The following GPHN variants were observed in gnomAD, a reference collection of about 807,000 sequenced individuals.
GPHN encodes the protein gephyrin.
In GPHN, 17 loss-of-function variants were observed where a neutral mutation model predicts 95.5. The ratio of observed to expected loss-of-function variants is 0.18; its 90% CI spans 0.12 to 0.27. The LOEUF (loss-of-function observed/expected upper bound fraction) is 0.27, where lower values mean the gene tolerates loss of function less well. Ranked by LOEUF, GPHN falls within the 10% of genes least tolerant of loss-of-function variation. The pLI, the probability that GPHN is intolerant of heterozygous loss-of-function variation, is 1.00. For missense variants in GPHN, 660 were observed against 978.1 expected (o/e 0.67, Z 4.34); for synonymous variants, 320 against 322.5 (o/e 0.99, Z 0.08).
At chr14:67,117,826 G>A (rs2078779504) in intron 16 of GPHN, among the ~76,000 whole-genome samples, 1 of 152,016 alleles carries the variant, frequency 6.6e-6, no homozygotes, top group South Asian at 2.1e-4. Context: ...TCAAAACAAG[G>A]GCTGGAGTTA....
chr14:67,380,448 G>C, the GPHN span, among the ~76,000 whole-genome samples: 1 of 152,118 alleles, frequency 6.6e-6, no homozygotes, highest in Non-Finnish European at 1.5e-5. Flanking sequence ...GTTTTAGTCA[G>C]ATCACTAAAA....
At chr14:67,358,686 T>C in the GPHN span, among the ~76,000 whole-genome samples, 1 of 152,058 alleles carries the variant, frequency 6.6e-6, no homozygotes, top group Non-Finnish European at 1.5e-5. Flanking sequence ...GGAGACCCTG[T>C]CTCTTATTAA....
At chr14:66,641,179 A>G (rs1435070071) in intron 1 of GPHN, among the ~76,000 whole-genome samples, 1 of 152,158 alleles carries the variant, frequency 6.6e-6, no homozygotes, top group Non-Finnish European at 1.5e-5. Context: ...CAATTGTTTG[A>G]CGTAACGGTG....
At chr14:67,263,580 A>G in the GPHN span, among the ~76,000 whole-genome samples, 1 of 152,194 alleles carries the variant, frequency 6.6e-6, no homozygotes, top group East Asian at 1.9e-4. Context: ...ACTAAAGAAA[A>G]ATAATGGCAA....
At chr14:67,624,943 G>C in the GPHN span, among the ~76,000 whole-genome samples, 1 of 152,146 alleles carries the variant, frequency 6.6e-6, no homozygotes, top group Non-Finnish European at 1.5e-5. Flanking sequence ...CCGATAGCCT[G>C]CAATCACAGT....
intron 5 of GPHN, among the ~76,000 whole-genome samples, chr14:66,905,832 G>A (rs1596332032): frequency 6.6e-6 from 1 of 152,066 alleles, no homozygotes; most frequent in Admixed American, 6.6e-5. Context: ...TCAGTATGTG[G>A]TTTTCTGTTC....
At chr14:67,302,349 T>C in the GPHN span, 1 of 1,250,706 alleles carries the variant, frequency 8.0e-7, no homozygotes, top group Non-Finnish European at 1.0e-6. Flanking sequence ...AATTTAAAAA[T>C]AAATGCTTAA....
intron 2 of GPHN, among the ~76,000 whole-genome samples, chr14:66,691,681 A>T (rs1027160142): frequency 6.6e-6 from 1 of 152,174 alleles, no homozygotes; most frequent in African/African-American, 2.4e-5. Context: ...ACTAAGCTGA[A>T]AATGTTTATT....
intron 2 of GPHN, among the ~76,000 whole-genome samples, chr14:66,694,975 T>C (rs781740335): frequency 1.3e-5 from 2 of 151,906 alleles, no homozygotes; most frequent in Non-Finnish European, 2.9e-5. Context: ...CCTGGCCAAC[T>C]TGGTGAAACC....
intron 10 of GPHN, among the ~76,000 whole-genome samples, chr14:67,049,734 A>C (rs1198389926): frequency 6.6e-6 from 1 of 152,040 alleles, no homozygotes; most frequent in Non-Finnish European, 1.5e-5. Context: ...GATGGTCTTG[A>C]TCATTTGACC....
the GPHN span, among the ~76,000 whole-genome samples, chr14:67,436,454 C>T: frequency 6.6e-6 from 1 of 152,206 alleles, no homozygotes; most frequent in East Asian, 1.9e-4. Context: ...CCCTTCCTGG[C>T]TCTCTCACAG....
intron 16 of GPHN, among the ~76,000 whole-genome samples, chr14:67,116,975 T>G (rs2078733215): frequency 6.6e-6 from 1 of 152,234 alleles, no homozygotes; most frequent in South Asian, 2.1e-4. Context: ...TTCTCCCTCT[T>G]TTTGTGTTAG....
At chr14:67,440,866 C>G in the GPHN span, among the ~76,000 whole-genome samples, 1 of 152,104 alleles carries the variant, frequency 6.6e-6, no homozygotes, top group Non-Finnish European at 1.5e-5. Context: ...CTTCCTCCAT[C>G]TGGCAAATGG....
intron 1 of GPHN, among the ~76,000 whole-genome samples, chr14:66,651,101 A>G (rs1173740470): frequency 6.6e-6 from 1 of 152,206 alleles, no homozygotes; most frequent in Non-Finnish European, 1.5e-5. Flanking sequence ...CTAAAGGTAG[A>G]TCACTGGCCA....
chr14:66,949,432 A>G (rs1055616016), intron 8 of GPHN, among the ~76,000 whole-genome samples: 5 of 152,196 alleles, frequency 3.3e-5, no homozygotes, highest in Admixed American at 2.0e-4. Context: ...CAGGTGCTGT[A>G]TCACACACCT....
chr14:66,778,695 TATTTA>T (rs1374380496), intron 3 of GPHN, among the ~76,000 whole-genome samples: 1 of 150,770 alleles, frequency 6.6e-6, no homozygotes, highest in Non-Finnish European at 1.5e-5. Context: ...TCAAAATAAT[TATTTA>T]ATTCTATGAC....
intron 11 of GPHN, among the ~76,000 whole-genome samples, chr14:67,068,578 A>T (rs141620338): frequency 6.6e-6 from 1 of 152,168 alleles, no homozygotes; most frequent in African/African-American, 2.4e-5. Context: ...TCTATATACA[A>T]TGGAAAAACT....
intron 1 of GPHN, among the ~76,000 whole-genome samples, chr14:66,543,008 C>T (rs1179719219): frequency 3.9e-5 from 6 of 152,156 alleles, no homozygotes; most frequent in Non-Finnish European, 8.8e-5. Flanking sequence ...AAAAAAGGCA[C>T]ATTTTACATG....
At chr14:66,596,681 A>G (rs1321192089) in intron 1 of GPHN, among the ~76,000 whole-genome samples, 2 of 152,308 alleles carry the variant, frequency 1.3e-5, no homozygotes, top group East Asian at 3.9e-4. Flanking sequence ...GGGAGAGGCT[A>G]GGCAGCAGGA....
Sources: allele counts gnomAD v4.1 joint callset (sites outside exome capture counted in the v4.1 genomes callset), GRCh38; gene constraint gnomAD v4.1.1; transcripts MANE v1.5; gene names NCBI Gene and HGNC (gene_info 2026-07-23, HGNC 2026-07-21).